The following MTA3 variants were observed in gnomAD, a reference collection of about 807,000 sequenced individuals.
The protein encoded by MTA3 is metastasis associated 1 family member 3.
A neutral mutation model predicts 83.5 loss-of-function variants in MTA3; 34 were observed. The ratio of observed to expected loss-of-function variants is 0.41; its 90% CI spans 0.31 to 0.54. The LOEUF is 0.54. Among genes scored for constraint, MTA3 ranks in the 20% least tolerant of loss-of-function variants. The pLI is 0.33. For synonymous variants in MTA3, 303 were observed against 252.7 expected (o/e 1.20, Z -1.89); for missense variants, 761 against 726.4 (o/e 1.05, Z -0.55).
Position 42,756,155 on chromosome 2 carries a change from C to A in MTA3, c.*2756C>A. The A allele has an allele frequency of 2.5e-6, 1 of 406,126 alleles. No homozygotes were observed. Among genetic ancestry groups the A allele is most frequent in the Non-Finnish European group, 3.3e-6 (1 of 300,224 alleles). 25.2% of individuals were successfully genotyped at this position (406,126 alleles called of 1,614,324 possible). On this transcript the variant is annotated 3_prime_UTR_variant, in exon 17 of 17. Coordinates refer to ENST00000405094, the MANE Select transcript of MTA3 (RefSeq NM_001330442.2). ...ACAACAACAGCAAGCCGCCCCCATC[C>A]TGAGACTGGCTGGGCACCAGGGGAG... is the stretch of plus-strand genomic sequence containing the variant.
At chr2:42,603,630 A>T (rs1298590960) in intron 3 of MTA3, among the ~76,000 whole-genome samples, 1 of 151,866 alleles carries the variant, frequency 6.6e-6, no homozygotes, top group African/African-American at 2.4e-5. Flanking sequence ...AAAGTAAAAA[A>T]CTCATACTTA....
chr2:42,505,356 C>T (rs1220042289), intron 2 of MTA3, among the ~76,000 whole-genome samples: 1 of 152,078 alleles, frequency 6.6e-6, no homozygotes, highest in Non-Finnish European at 1.5e-5. Context: ...CGTGCCACTG[C>T]ACTCCAGCCT....
chr2:42,519,803 A>G (rs1675331187), intron 2 of MTA3, among the ~76,000 whole-genome samples: 2 of 151,982 alleles, frequency 1.3e-5, no homozygotes, highest in South Asian at 4.2e-4. Flanking sequence ...TAATCCCAGC[A>G]CTTTGGGAGG....
intron 3 of MTA3, among the ~76,000 whole-genome samples, chr2:42,599,449 A>T (rs1573165966): frequency 6.6e-6 from 1 of 152,048 alleles, no homozygotes; most frequent in East Asian, 1.9e-4. Context: ...TACAAAAATT[A>T]GCCGGGTGTG....
At chr2:42,549,641 AAT>A (rs778481164) in intron 2 of MTA3, among the ~76,000 whole-genome samples, 18 of 115,394 alleles carry the variant, frequency 1.6e-4, no homozygotes, top group South Asian at 7.7e-4. Context: ...ATACATATAT[AAT>A]ATATAATATA....
At chr2:42,667,569 A>AT in intron 8 of MTA3, among the ~76,000 whole-genome samples, 1 of 15,972 alleles carries the variant, frequency 6.3e-5, no homozygotes, top group East Asian at 7.1e-4. Context: ...TCATTTAAAA[A>AT]TTGTGTGTGT....
intron 2 of MTA3, among the ~76,000 whole-genome samples, chr2:42,538,436 G>A (rs567529384): frequency 2.7e-4 from 41 of 149,788 alleles, no homozygotes; most frequent in Non-Finnish European, 5.3e-4. Flanking sequence ...GGCCGGGTGC[G>A]GTGGCTCATG....
At chr2:42,725,338 C>T (rs978426307) in intron 16 of MTA3, among the ~76,000 whole-genome samples, 6 of 152,184 alleles carry the variant, frequency 3.9e-5, no homozygotes, top group African/African-American at 1.4e-4. Context: ...TTGAGATTCC[C>T]ACTCAGATGT....
intron 3 of MTA3, among the ~76,000 whole-genome samples, chr2:42,589,316 G>A: frequency 6.6e-6 from 1 of 152,156 alleles, no homozygotes; most frequent in East Asian, 1.9e-4. Context: ...AATACATGAT[G>A]CAAATTTTAA....
intron 4 of MTA3, among the ~76,000 whole-genome samples, chr2:42,631,002 C>G (rs375104598): frequency 2.6e-5 from 4 of 152,264 alleles, no homozygotes; most frequent in African/African-American, 7.2e-5. Flanking sequence ...GATTATTAGT[C>G]TCTCTTCAGT....
intron 6 of MTA3, among the ~76,000 whole-genome samples, chr2:42,645,680 C>T (rs923064012): frequency 6.6e-6 from 1 of 151,932 alleles, no homozygotes; most frequent in Non-Finnish European, 1.5e-5. Context: ...GGCCCTAAGT[C>T]TCTTCAATTC....
In MTA3 at chr2:42,639,011, A is replaced by G. The variant is rs181456687; in HGVS notation, c.318-1162A>G. 3.0e-3 allele frequency among the ~76,000 whole-genome samples: 451 copies of G among 149,382 alleles called. 1 individual carries two copies. The highest frequency in any genetic ancestry group is 8.9e-3 in the Admixed American group (134 of 14,994). On this transcript the variant is annotated intron_variant, in intron 4 of 16. Coordinates refer to ENST00000405094, the MANE Select transcript of MTA3 (RefSeq NM_001330442.2). ...TTGGTAATTTTTTTCTTTGAATTGT[A>G]TTTCACTCTGGTGATCCAACAGCAA... is the stretch of plus-strand genomic sequence containing the variant.
At chr2:42,613,447 G>C in intron 4 of MTA3, among the ~76,000 whole-genome samples, 1 of 152,234 alleles carries the variant, frequency 6.6e-6, no homozygotes, top group East Asian at 1.9e-4. Flanking sequence ...GCCAAGGCAT[G>C]GAGCTGTGCT....
chr2:42,516,765 A>G (rs185282739), intron 2 of MTA3, among the ~76,000 whole-genome samples: 174 of 152,316 alleles, frequency 1.1e-3, no homozygotes, highest in Non-Finnish European at 2.0e-3. Context: ...CCAAAATAGA[A>G]ACAAATGTAG....
chr2:42,697,777 A>G lies in MTA3; in HGVS notation c.968A>G (p.Lys323Arg), dbSNP rs751630684. The change falls in exon 11 of 17, where the codon AAA becomes AGA. Residue 323 changes from lysine (K) to arginine (R), a missense_variant and splice_region_variant. Transcript: ENST00000405094. ...WKTTDRYVQQKRLKAAEAESK... is the reference protein window; with the variant it reads ...WKTTDRYVQQRRLKAAEAESK... ...TGTTTTATTCATCTTTTGAATTAGAAACGTCTAAAAGCAGCAGAAGCTGAG... is the reference window on the plus strand; with the variant it reads ...TGTTTTATTCATCTTTTGAATTAGAGACGTCTAAAAGCAGCAGAAGCTGAG... 6.5e-7 allele frequency: 1 copy of G among 1,538,394 alleles called. No homozygotes were observed. The highest frequency in any genetic ancestry group is 2.4e-5 in the East Asian group (1 of 41,944).
chr2:42,677,413 G>A (rs529564270), intron 8 of MTA3, among the ~76,000 whole-genome samples: 1 of 152,156 alleles, frequency 6.6e-6, no homozygotes, highest in South Asian at 2.1e-4. Flanking sequence ...CGCAATCTTG[G>A]CTCACTGCAA....
chr2:42,513,266 T>A (rs1674983334), intron 2 of MTA3, among the ~76,000 whole-genome samples: 1 of 152,004 alleles, frequency 6.6e-6, no homozygotes, highest in African/African-American at 2.4e-5. Context: ...TTGGAGGGAG[T>A]GTGAGGGGAA....
chr2:42,643,348 A>G (rs1282636208), intron 5 of MTA3, among the ~76,000 whole-genome samples: 1 of 152,110 alleles, frequency 6.6e-6, no homozygotes, highest in Non-Finnish European at 1.5e-5. Context: ...AGAAGATGGG[A>G]CTTCTGCTTC....
chr2:42,594,728 A>ATATTTTTTTT lies in MTA3; in HGVS notation c.191-14729_191-14728insATTTTTTTTT. 3.6e-3 allele frequency among the ~76,000 whole-genome samples: 87 copies of ATATTTTTTTT among 24,038 alleles called. 9 individuals are homozygous for ATATTTTTTTT. The highest frequency in any genetic ancestry group is 0.015 in the African/African-American group (65 of 4,468). 15.8% of individuals were successfully genotyped at this position (24,038 alleles called of 152,430 possible). On this transcript the variant is annotated intron_variant, in intron 3 of 16. Transcript: ENST00000405094. ...TACATATATATATATATATATATAT[A>ATATTTTTTTT]TTTTTTTTTTTTTTTTGAGACAGAG... is the stretch of plus-strand genomic sequence containing the variant.
Sources: allele counts gnomAD v4.1 joint callset (sites outside exome capture counted in the v4.1 genomes callset), GRCh38; gene constraint gnomAD v4.1.1; transcripts MANE v1.5; gene names NCBI Gene and HGNC (gene_info 2026-07-23, HGNC 2026-07-21).